The following DLK1 variants were observed in gnomAD, a reference collection of about 807,000 sequenced individuals.
DLK1 encodes the protein delta like non-canonical Notch ligand 1.
In DLK1, 9 loss-of-function variants were observed where a neutral mutation model predicts 35.2. That is an observed-to-expected ratio of 0.26 (90% CI 0.15 to 0.45). DLK1 has a LOEUF of 0.45. Among genes scored for constraint, DLK1 ranks in the 20% least tolerant of loss-of-function variants. DLK1 has a pLI of 1.00. For synonymous variants in DLK1, 231 were observed against 228.4 expected (o/e 1.01, Z -0.10); for missense variants, 522 against 528.5 (o/e 0.99, Z 0.12).
chr14:100,726,904 G>A lies in DLK1; in HGVS notation c.-165G>A. 2.0e-6 allele frequency: 1 copy of A among 512,808 alleles called. No individual in the cohort carries two copies. The highest frequency in any genetic ancestry group is 2.9e-6 in the Non-Finnish European group (1 of 348,288). The allele number at this position is 512,808 out of a possible 1,614,324, so 31.8% of individuals were successfully genotyped here. A position where few individuals can be genotyped will look rare whatever the true frequency, so the allele number is the denominator to read the frequency against. On this transcript the variant is annotated 5_prime_UTR_variant, in exon 1 of 5. Transcript: ENST00000341267. The surrounding 1 kb of genome is among the most constrained non-coding windows in gnomAD (Gnocchi z 4.2). ...GCGCGGCGGCGGCGGCAGCTCCCCG[G>A]CAGCGGCGGTGGAGAGCGCAGCGCG...
In DLK1 at chr14:100,736,527, C is replaced by G. The variant is rs1186496619; in HGVS notation, c.*1631C>G. On this transcript the variant is annotated 3_prime_UTR_variant, in exon 5 of 5. Coordinates refer to ENST00000341267, the MANE Select transcript of DLK1 (RefSeq NM_003836.7). ...ACCTCATCACCTCATCGTCCTCCAG[C>G]CACTACCCAAGCCCCCTCATCCTGA... 1 of 152,324 alleles carries G rather than the reference C, an allele frequency of 6.6e-6. No individual in the cohort carries two copies. The highest frequency in any genetic ancestry group is 2.4e-5 in the African/African-American group (1 of 41,336). 9.4% of individuals were successfully genotyped at this position (152,324 alleles called of 1,614,324 possible). A position where few individuals can be genotyped will look rare whatever the true frequency, so the allele number is the denominator to read the frequency against.
chr14:100,736,535 C>G lies in DLK1; in HGVS notation c.*1639C>G, dbSNP rs1356021757. On this transcript the variant is annotated 3_prime_UTR_variant, in exon 5 of 5. Coordinates refer to ENST00000341267, the MANE Select transcript of DLK1 (RefSeq NM_003836.7). Reference sequence around the variant, plus strand: ...ACCTCATCGTCCTCCAGCCACTACCCAAGCCCCCTCATCCTGACTCAAAGC... The same window carrying G: ...ACCTCATCGTCCTCCAGCCACTACCGAAGCCCCCTCATCCTGACTCAAAGC... The G allele has an allele frequency of 6.6e-6, 1 of 152,384 alleles. No homozygotes were observed. Among genetic ancestry groups the G allele is most frequent in the Non-Finnish European group, 1.5e-5 (1 of 68,248 alleles). 9.4% of individuals were successfully genotyped at this position (152,384 alleles called of 1,614,324 possible). A position where few individuals can be genotyped will look rare whatever the true frequency, so the allele number is the denominator to read the frequency against.
chr14:100,736,996 C>T lies in DLK1; in HGVS notation c.*2100C>T, dbSNP rs2036580928. 2 of 114,398 alleles carry T rather than the reference C, an allele frequency of 1.7e-5. No individual in the cohort carries two copies. Among genetic ancestry groups the T allele is most frequent in the African/African-American group, 3.6e-5 (1 of 27,610 alleles). 7.1% of individuals were successfully genotyped at this position (114,398 alleles called of 1,614,324 possible). Reference sequence around the variant, plus strand: ...TCCCACCACCCTTCCCTTCCGATCCCCGTCATCCTTCCCCTCTGATCCCCC... The same window carrying T: ...TCCCACCACCCTTCCCTTCCGATCCTCGTCATCCTTCCCCTCTGATCCCCC... On this transcript the variant is annotated 3_prime_UTR_variant, in exon 5 of 5. Transcript: ENST00000341267.
In DLK1 at chr14:100,734,742, G is replaced by C; in HGVS notation, c.998G>C (p.Trp333Ser). ...GIVFLNKCET[W>S]VSNLRYNHML... ...GTCTTCCTCAACAAGTGCGAGACCT[G>C]GGTGTCCAACCTGCGCTACAACCAC... The change falls in exon 5 of 5, where the codon TGG (tryptophan) becomes TCG (serine). Residue 333 changes from tryptophan (W) to serine (S), a missense_variant. Transcript: ENST00000341267. This position sits in a 1 kb window ranked among gnomAD's most constrained non-coding sequence, Gnocchi z 7.4. The C allele has an allele frequency of 6.2e-7, 1 of 1,614,072 alleles. No homozygotes were observed. The highest frequency in any genetic ancestry group is 8.5e-7 in the Non-Finnish European group (1 of 1,180,040).
chr14:100,730,762 G>A (rs144239762), intron 3 of DLK1, among the ~76,000 whole-genome samples: 115 of 152,312 alleles, frequency 7.6e-4, no homozygotes, highest in African/African-American at 2.7e-3. Context: ...ATGCCTTGCC[G>A]GTGCCGTCCC....
chr14:100,731,620 C>T (rs1567021475), intron 3 of DLK1, among the ~76,000 whole-genome samples: 2 of 152,262 alleles, frequency 1.3e-5, no homozygotes, highest in East Asian at 1.9e-4. Context: ...ATTCATCCCC[C>T]GGCTGGCCAG....
chr14:100,727,373 G>C (rs902798998), intron 1 of DLK1, among the ~76,000 whole-genome samples: 5 of 152,216 alleles, frequency 3.3e-5, no homozygotes, highest in Admixed American at 2.0e-4. Flanking sequence ...CCGCCCTGCA[G>C]AAGTGGCGCC....
chr14:100,728,254 T>C (rs1313012635), intron 1 of DLK1, 142 bp from the exon 2 acceptor site: 5 of 774,206 alleles, frequency 6.5e-6, no homozygotes, highest in Middle Eastern at 3.6e-4. Flanking sequence ...GGATAGGAAG[T>C]GCCTACTGTG....
intron 4 of DLK1, 75 bp downstream of exon 4, chr14:100,732,258 C>G: frequency 1.3e-6 from 2 of 1,536,772 alleles, no homozygotes; most frequent in Non-Finnish European, 8.8e-7. Flanking sequence ...TCAGCCTAAC[C>G]CTGCTGGACC....
chr14:100,731,234 C>A (rs1213311606), intron 3 of DLK1, among the ~76,000 whole-genome samples: 1 of 152,156 alleles, frequency 6.6e-6, no homozygotes, highest in Non-Finnish European at 1.5e-5. Context: ...GGGTCTCCAT[C>A]ATCAGAGAGC....
intron 4 of DLK1, among the ~76,000 whole-genome samples, chr14:100,732,754 G>A (rs1485857890): frequency 6.6e-6 from 1 of 152,190 alleles, no homozygotes; most frequent in African/African-American, 2.4e-5. Flanking sequence ...AGTGGCCACT[G>A]TCTTCACTTG....
At position 100,726,893 on chromosome 14, in the gene DLK1, G is replaced by A. The variant is rs1038207092; in HGVS notation, c.-176G>A. 9.4e-5 allele frequency: 40 copies of A among 424,398 alleles called. No individual in the cohort carries two copies. The Middle Eastern group carries it at 2.9e-3, about 31-fold the overall frequency. The allele number at this position is 424,398 out of a possible 1,614,324, so 26.3% of individuals were successfully genotyped here. ...AAGGGCGGCGCGCGCGGCGGCGGCG[G>A]CAGCTCCCCGGCAGCGGCGGTGGAG... On this transcript the variant is annotated 5_prime_UTR_variant, in exon 1 of 5. Coordinates refer to ENST00000341267, the MANE Select transcript of DLK1 (RefSeq NM_003836.7). The surrounding 1 kb of genome is among the most constrained non-coding windows in gnomAD (Gnocchi z 4.2).
At chr14:100,727,555 C>A (rs1024231036) in intron 1 of DLK1, among the ~76,000 whole-genome samples, 2 of 152,148 alleles carry the variant, frequency 1.3e-5, no homozygotes, top group African/African-American at 4.8e-5. Context: ...CCCCAATTCC[C>A]AGAGAAGCCC....
rs758602748 is a variant in DLK1 at position 100,734,378 on chromosome 14, T to A, written c.634T>A (p.Cys212Ser). ...GACCTGCAGCCGCCCGGTGACCAAC[T>A]GCGCCAGCAGCCCGTGCCAGAACGG... ...DKTCSRPVTN[C>S]ASSPCQNGGT... Residue 212 changes from cysteine (C) to serine (S), a missense_variant, in exon 5 of 5, where the codon TGC becomes AGC. By Grantham distance (112) the Cys-to-Ser change is moderately radical. Transcript: ENST00000341267. This position sits in a 1 kb window ranked among gnomAD's most constrained non-coding sequence, Gnocchi z 7.4. The A allele has an allele frequency of 6.2e-7, 1 of 1,611,942 alleles. No individual in the cohort carries two copies. Among genetic ancestry groups the A allele is most frequent in the Non-Finnish European group, 8.5e-7 (1 of 1,179,220 alleles).
chr14:100,732,285 A>G, intron 4 of DLK1, 102 bp downstream of exon 4: 3 of 1,506,502 alleles, frequency 2.0e-6, no homozygotes, highest in South Asian at 1.3e-5. Context: ...CTGACAAAAG[A>G]TGAAGTAAGC....
chr14:100,735,217 C>T lies in DLK1; in HGVS notation c.*321C>T. On this transcript the variant is annotated 3_prime_UTR_variant, in exon 5 of 5. Transcript: ENST00000341267. ...AAAACAAGGCAACAGAACCAGGGCTCAGTGCCGACGCCCCTACCCTGGGGG... is the reference window on the plus strand; with the variant it reads ...AAAACAAGGCAACAGAACCAGGGCTTAGTGCCGACGCCCCTACCCTGGGGG... 1 of 238,524 alleles carries T rather than the reference C, an allele frequency of 4.2e-6. No individual in the cohort carries two copies. Among genetic ancestry groups the T allele is most frequent in the Non-Finnish European group, 8.0e-6 (1 of 125,730 alleles). 14.8% of individuals were successfully genotyped at this position (238,524 alleles called of 1,614,324 possible).
intron 3 of DLK1, 199 bp downstream of exon 3, chr14:100,729,265 C>A: frequency 1.1e-6 from 1 of 921,358 alleles, no homozygotes; most frequent in Non-Finnish European, 1.7e-6. Flanking sequence ...CTTTATTTTG[C>A]TCTTCTCTGC....
At chr14:100,728,829 TG>T in intron 2 of DLK1, 106 bp from the exon 3 acceptor site, 1 of 1,431,106 alleles carries the variant, frequency 7.0e-7, no homozygotes, top group Non-Finnish European at 9.5e-7. Flanking sequence ...CGGCTGCCAC[TG>T]TGCAAAGACC....
rs1394181575 is a variant in DLK1, at chr14:100,734,257, C to T, written c.513C>T (p.Ala171=). The change falls in exon 5 of 5, where the codon GCC becomes GCT. Residue 171 remains alanine (A), a synonymous_variant. Coordinates refer to ENST00000341267, the MANE Select transcript of DLK1 (RefSeq NM_003836.7). The surrounding 1 kb of genome is among the most constrained non-coding windows in gnomAD (Gnocchi z 7.4). ...GFSGNFCEIV[A]NSCTPNPCEN... ...CAGGCAATTTCTGCGAGATCGTGGCCAACAGCTGCACCCCCAACCCATGCG... is the reference window on the plus strand; with the variant it reads ...CAGGCAATTTCTGCGAGATCGTGGCTAACAGCTGCACCCCCAACCCATGCG... 1 of 1,613,346 alleles carries T rather than the reference C, an allele frequency of 6.2e-7. No homozygotes were observed. Among genetic ancestry groups the T allele is most frequent in the Non-Finnish European group, 8.5e-7 (1 of 1,180,034 alleles).
Sources: gnomAD v4.1 joint callset for allele counts (sites outside exome capture counted in the v4.1 genomes callset) on GRCh38, gnomAD v4.1.1 for gene constraint, Gnocchi (gnomAD v3.1) non-coding constraint, MANE v1.5 for transcripts, NCBI Gene and HGNC (gene_info 2026-07-23, HGNC 2026-07-21) for gene names.